PHKA1: variants seen among roughly 807,000 people sequenced by gnomAD.
PHKA1 encodes phosphorylase kinase regulatory subunit alpha 1, also known as phosphorylase b kinase regulatory subunit alpha, skeletal muscle isoform.
In PHKA1, 60 loss-of-function variants were observed where a neutral mutation model predicts 110.2. That is an observed-to-expected ratio of 0.54 (90% CI 0.44 to 0.68). PHKA1 has a LOEUF of 0.68. PHKA1 is among the 30% of genes least tolerant of loss of function. The pLI, the probability that PHKA1 is intolerant of heterozygous loss-of-function variation, is 0.00. For missense variants in PHKA1, 801 were observed against 942.5 expected, an observed-to-expected ratio of 0.85 and a Z score of 1.97; for synonymous variants, 316 against 333.6, an observed-to-expected ratio of 0.95 and a Z score of 0.58.
chrX:72,636,788 G>A (rs2053236069), intron 14 of PHKA1, among the ~76,000 whole-genome samples: 1 of 112,242 alleles, frequency 8.9e-6, no homozygotes, highest in Admixed American at 9.4e-5. Flanking sequence ...AGTACTGACA[G>A]GACTACTACT....
intron 28 of PHKA1, among the ~76,000 whole-genome samples, chrX:72,593,976 C>T (rs1323190541): frequency 1.8e-5 from 2 of 111,547 alleles, no homozygotes; most frequent in Non-Finnish European, 3.8e-5. Context: ...AGTATGTTCT[C>T]TAACCACAAC....
At chrX:72,641,365 A>G (rs1556295121) in intron 14 of PHKA1, among the ~76,000 whole-genome samples, 1 of 111,639 alleles carries the variant, frequency 9.0e-6, no homozygotes. Context: ...ATATTCAGCT[A>G]ATAATCAGGA....
intron 14 of PHKA1, among the ~76,000 whole-genome samples, chrX:72,642,567 C>T (rs1737280216): frequency 9.1e-6 from 1 of 110,461 alleles, no homozygotes; most frequent in African/African-American, 3.3e-5. Context: ...ACTAGAAGTG[C>T]ATTATAGGTC....
intron 29 of PHKA1, among the ~76,000 whole-genome samples, chrX:72,586,152 T>A (rs2052425953): frequency 8.9e-6 from 1 of 112,036 alleles, no homozygotes; most frequent in Non-Finnish European, 1.9e-5. Context: ...GTAGCTTAAC[T>A]GGGAGACACC....
intron 2 of PHKA1, among the ~76,000 whole-genome samples, chrX:72,710,270 C>T (rs1409067973): frequency 3.6e-5 from 4 of 111,738 alleles, no homozygotes; most frequent in African/African-American, 1.3e-4. Flanking sequence ...ATCAAAAATA[C>T]AGGATTCAGG....
intron 4 of PHKA1, among the ~76,000 whole-genome samples, chrX:72,687,210 T>G (rs1556319134): frequency 8.9e-6 from 1 of 111,907 alleles, no homozygotes; most frequent in Non-Finnish European, 1.9e-5. Context: ...TTTGCATATG[T>G]ATGGTCTTAG....
At chrX:72,676,849 C>T (rs1556312072) in intron 5 of PHKA1, among the ~76,000 whole-genome samples, 1 of 112,337 alleles carries the variant, frequency 8.9e-6, no homozygotes, top group Admixed American at 9.4e-5. Context: ...CAAGGAGTTC[C>T]CATATGCCTT....
At chrX:72,669,426 A>T (rs2053653365) in intron 6 of PHKA1, among the ~76,000 whole-genome samples, 1 of 109,525 alleles carries the variant, frequency 9.1e-6, no homozygotes, top group Non-Finnish European at 1.9e-5. Flanking sequence ...CATGTGCACA[A>T]CATGCAGGTT....
intron 29 of PHKA1, among the ~76,000 whole-genome samples, chrX:72,591,790 G>T (rs1266118572): frequency 8.9e-6 from 1 of 112,049 alleles, no homozygotes; most frequent in African/African-American, 3.2e-5. Context: ...ACTGCATGTT[G>T]TATATGAGAG....
intron 4 of PHKA1, among the ~76,000 whole-genome samples, chrX:72,685,052 C>T (rs2053952609): frequency 9.0e-6 from 1 of 111,580 alleles, no homozygotes; most frequent in Non-Finnish European, 1.9e-5. Context: ...GATATTATAA[C>T]TTACACACAG....
intron 16 of PHKA1, among the ~76,000 whole-genome samples, chrX:72,631,096 G>A (rs1300207954): frequency 1.0e-5 from 1 of 96,180 alleles, no homozygotes; most frequent in Non-Finnish European, 2.0e-5. Context: ...TTCTGCTACT[G>A]GGCCTATCTA....
chrX:72,661,207 G>A (rs184664015), intron 8 of PHKA1, among the ~76,000 whole-genome samples: 23 of 112,241 alleles, frequency 2.0e-4, no homozygotes, highest in Admixed American at 1.8e-3. Context: ...CAATTCAAAT[G>A]CAGGTGCAGT....
At chrX:72,627,686 CA>C (rs1308453725) in intron 16 of PHKA1, among the ~76,000 whole-genome samples, 1 of 110,922 alleles carries the variant, frequency 9.0e-6, no homozygotes, top group Non-Finnish European at 1.9e-5. Flanking sequence ...TAAATTCTTA[CA>C]AGTAGAACTA....
intron 4 of PHKA1, among the ~76,000 whole-genome samples, chrX:72,692,095 T>C (rs2054046346): frequency 8.9e-6 from 1 of 112,211 alleles, no homozygotes; most frequent in East Asian, 2.8e-4. Context: ...AATGTTTTTC[T>C]GTGTCTACTG....
chrX:72,702,318 C>T (rs782797823), intron 3 of PHKA1, among the ~76,000 whole-genome samples: 5 of 110,478 alleles, frequency 4.5e-5, no homozygotes, highest in South Asian at 3.9e-4. Context: ...AGTGTGGTGG[C>T]GCACATCTGT....
intron 18 of PHKA1, chrX:72,622,536 C>T (rs2052994330): frequency 1.3e-6 from 1 of 751,138 alleles, no homozygotes; most frequent in Admixed American, 8.8e-5. Flanking sequence ...CAATGCATGC[C>T]CCTGCAATGC....
At position 72,657,477 on chromosome X, in the gene PHKA1, A is replaced by G. The variant is rs1341731398; in HGVS notation, c.918+111T>C. 11 of 558,928 alleles carry G rather than the reference A, an allele frequency of 2.0e-5. No individual in the cohort carries two copies. In the East Asian group the frequency reaches 3.8e-4, roughly 19 times the overall value. 46.1% of individuals were successfully genotyped at this position (558,928 alleles called of 1,213,427 possible). ...AGCAAACATCAGTTATCATTATCCT[A>G]CTTAGTGATCTCTATAAGTACCATC... On this transcript the variant is annotated intron_variant, in intron 9 of 31. Coordinates refer to ENST00000373542, the MANE Select transcript of PHKA1 (RefSeq NM_002637.4).
Position 72,581,161 on chromosome X carries a change from T to G in PHKA1, c.3513A>C (p.Ala1171=). ...LFLQEQKTLG[A]DDTMLAKDPA... is the part of the protein sequence containing the mutation. The stretch of plus-strand genomic sequence containing the variant: ...GATCCTTTGCCAACATGGTATCATC[T>G]GCGCCAAGGGTTTTCTGTTTGGTTT... Residue 1171 remains alanine, a synonymous_variant, in exon 32 of 32, where the codon GCA becomes GCC. Coordinates refer to ENST00000373542, the MANE Select transcript of PHKA1 (RefSeq NM_002637.4). 1.7e-6 allele frequency: 2 copies of G among 1,192,034 alleles called. No homozygotes were observed. Among genetic ancestry groups the G allele is most frequent in the Non-Finnish European group, 2.3e-6 (2 of 877,596 alleles).
intron 2 of PHKA1, among the ~76,000 whole-genome samples, chrX:72,711,128 T>C (rs1373566451): frequency 4.5e-5 from 5 of 110,383 alleles, no homozygotes; most frequent in Non-Finnish European, 7.6e-5. Flanking sequence ...CCCAAAGTGC[T>C]GGGATTACAG....
Sources: gnomAD v4.1 joint callset for allele counts (sites outside exome capture counted in the v4.1 genomes callset) on GRCh38, gnomAD v4.1.1 for gene constraint, MANE v1.5 for transcripts, NCBI Gene and HGNC (gene_info 2026-07-23, HGNC 2026-07-21) for gene names.